The following SLC1A1 variants were observed in gnomAD, a reference collection of about 807,000 sequenced individuals.
The protein encoded by SLC1A1 is solute carrier family 1 member 1.
SLC1A1 carries 43 observed loss-of-function variants against 53.3 expected under a neutral mutation model. The observed-to-expected ratio is 0.81, with a 90% CI of 0.63 to 1.04. The LOEUF is 1.04. SLC1A1 is among the 50% of genes least tolerant of loss of function. SLC1A1 has a pLI of 0.00. For synonymous variants in SLC1A1, 307 were observed against 243.2 expected (o/e 1.26, Z -2.44); for missense variants, 748 against 664.9 (o/e 1.12, Z -1.37).
chr9:4,558,049 A>G (rs1818588142), intron 2 of SLC1A1, among the ~76,000 whole-genome samples: 1 of 145,286 alleles, frequency 6.9e-6, no homozygotes, highest in Admixed American at 6.8e-5. Context: ...TGTCATCATT[A>G]TTATTTGTAT....
At chr9:4,524,768 G>A (rs1010139384) in intron 1 of SLC1A1, among the ~76,000 whole-genome samples, 3 of 152,108 alleles carry the variant, frequency 2.0e-5, no homozygotes, top group African/African-American at 7.2e-5. Context: ...CAAAGGGGAA[G>A]CAGATCTGTA....
chr9:4,530,490 G>A (rs763072945), intron 1 of SLC1A1, among the ~76,000 whole-genome samples: 2 of 152,158 alleles, frequency 1.3e-5, no homozygotes, highest in African/African-American at 2.4e-5. Flanking sequence ...GAGAAAACTA[G>A]TTTTTCCTGC....
intron 1 of SLC1A1, among the ~76,000 whole-genome samples, chr9:4,534,722 C>G (rs1441131938): frequency 2.0e-5 from 3 of 150,016 alleles, no homozygotes. Context: ...CCAGCATCAT[C>G]CTGCTACCAA....
chr9:4,527,132 C>A (rs545094474), intron 1 of SLC1A1, among the ~76,000 whole-genome samples: 2 of 152,192 alleles, frequency 1.3e-5, no homozygotes, highest in African/African-American at 4.8e-5. Flanking sequence ...TTGCAGGAGC[C>A]GAGAGGAGCC....
intron 2 of SLC1A1, among the ~76,000 whole-genome samples, chr9:4,555,840 T>C (rs1013810950): frequency 4.6e-5 from 7 of 152,238 alleles, no homozygotes; most frequent in Admixed American, 2.0e-4. Flanking sequence ...GCACCAGGGC[T>C]TCACAAAACA....
chr9:4,544,435 A>T (rs892053579), intron 1 of SLC1A1, 132 bp from the exon 2 acceptor site: 5 of 785,042 alleles, frequency 6.4e-6, no homozygotes, highest in African/African-American at 5.1e-5. Context: ...GATTTTACAG[A>T]CTCATGGGAA....
intron 6 of SLC1A1, among the ~76,000 whole-genome samples, chr9:4,570,476 A>G (rs371720444): frequency 1.1e-3 from 125 of 111,514 alleles, no homozygotes; most frequent in African/African-American, 4.9e-3. Context: ...GGTTCAAGCA[A>G]TTTTCTGCCT....
chr9:4,510,060 C>T (rs1398710128), intron 1 of SLC1A1, among the ~76,000 whole-genome samples: 1 of 152,178 alleles, frequency 6.6e-6, no homozygotes, highest in East Asian at 1.9e-4. Context: ...TTTCAAACTC[C>T]TGACCTCAAG....
At chr9:4,515,914 C>T (rs1260754487) in intron 1 of SLC1A1, among the ~76,000 whole-genome samples, 1 of 152,182 alleles carries the variant, frequency 6.6e-6, no homozygotes, top group African/African-American at 2.4e-5. Flanking sequence ...AGATCCTCCA[C>T]CCTCTTCCCA....
At chr9:4,577,367 A>T (rs1416352354) in intron 10 of SLC1A1, among the ~76,000 whole-genome samples, 1 of 152,220 alleles carries the variant, frequency 6.6e-6, no homozygotes, top group South Asian at 2.1e-4. Flanking sequence ...ACATTCCTTT[A>T]TGTTTAAACG....
At chr9:4,492,527 G>C (rs1015297063) in intron 1 of SLC1A1, among the ~76,000 whole-genome samples, 1 of 151,526 alleles carries the variant, frequency 6.6e-6, no homozygotes, top group African/African-American at 2.4e-5. Flanking sequence ...GGCCAGGCAC[G>C]GTGACTCACA....
At chr9:4,511,162 C>T (rs902452684) in intron 1 of SLC1A1, among the ~76,000 whole-genome samples, 5 of 152,178 alleles carry the variant, frequency 3.3e-5, no homozygotes, top group African/African-American at 1.2e-4. Flanking sequence ...GTGTCATAGT[C>T]TGTTCTGGCT....
At chr9:4,522,457 A>G (rs1045426546) in intron 1 of SLC1A1, among the ~76,000 whole-genome samples, 4 of 152,202 alleles carry the variant, frequency 2.6e-5, no homozygotes, top group Non-Finnish European at 5.9e-5. Flanking sequence ...TCACATGGTT[A>G]TTCAGCCTAA....
chr9:4,549,493 G>GCC lies in SLC1A1; in HGVS notation c.232+4787_232+4788dup, dbSNP rs1817753970. ...ACTGCTCCCTGAAGGGGCTCCCAGG[G>GCC]CCTCTTAACAGGGATGCCCCTCTGC... On this transcript the variant is annotated intron_variant, in intron 2 of 11. Transcript: ENST00000262352. This position sits in a 1 kb window ranked among gnomAD's most constrained non-coding sequence, Gnocchi z 4.1. 6.6e-6 allele frequency among the ~76,000 whole-genome samples: 1 copy of GCC among 152,172 alleles called. No individual in the cohort carries two copies. The highest frequency in any genetic ancestry group is 2.4e-5 in the African/African-American group (1 of 41,424).
chr9:4,533,857 GTC>G (rs1564013363), intron 1 of SLC1A1, among the ~76,000 whole-genome samples: 1 of 152,032 alleles, frequency 6.6e-6, no homozygotes, highest in Admixed American at 6.5e-5. Flanking sequence ...ATAACAAACT[GTC>G]TCTCAGACCA....
At chr9:4,584,604 T>A (rs1167854259) in intron 11 of SLC1A1, among the ~76,000 whole-genome samples, 2 of 152,210 alleles carry the variant, frequency 1.3e-5, no homozygotes, top group Non-Finnish European at 2.9e-5. Flanking sequence ...TCCCCCTGCA[T>A]GCAGTTCCTG....
intron 1 of SLC1A1, among the ~76,000 whole-genome samples, chr9:4,509,114 G>A (rs1312944822): frequency 1.3e-5 from 2 of 152,138 alleles, no homozygotes; most frequent in Non-Finnish European, 1.5e-5. Context: ...ATTAGGCAGA[G>A]ATAGTGGCAA....
intron 10 of SLC1A1, among the ~76,000 whole-genome samples, chr9:4,577,088 G>C (rs301431): frequency 0.22 from 34,191 of 151,986 alleles, 5,041 homozygotes; most frequent in East Asian, 0.68. Context: ...ATATCCAAAT[G>C]AATGCTGAAG....
Position 4,556,025 on chromosome 9 carries a change from G to T in SLC1A1, c.233-5424G>T, listed in dbSNP as rs1387704892. Among the ~76,000 whole-genome samples the T allele has an allele frequency of 2.8e-5, 4 of 145,292 alleles. No individual in the cohort carries two copies. Among genetic ancestry groups the T allele is most frequent in the Admixed American group, 1.4e-4 (2 of 14,486 alleles). Reference sequence around the variant, plus strand: ...TTTTTTGAGATGGAGTTTCACTCCTGTTGCCCAGGCTGAAGTGCAGTGGCA... The same window carrying T: ...TTTTTTGAGATGGAGTTTCACTCCTTTTGCCCAGGCTGAAGTGCAGTGGCA... On this transcript the variant is annotated intron_variant, in intron 2 of 11. Coordinates refer to ENST00000262352, the MANE Select transcript of SLC1A1 (RefSeq NM_004170.6). This position sits in a 1 kb window ranked among gnomAD's most constrained non-coding sequence, Gnocchi z 4.1.
Sources: gnomAD v4.1 joint callset for allele counts (sites outside exome capture counted in the v4.1 genomes callset) on GRCh38, gnomAD v4.1.1 for gene constraint, Gnocchi (gnomAD v3.1) non-coding constraint, MANE v1.5 for transcripts, NCBI Gene and HGNC (gene_info 2026-07-23, HGNC 2026-07-21) for gene names.